PCNT: variants seen among roughly 807,000 people sequenced by gnomAD.
PCNT encodes the protein kendrin.
A neutral mutation model predicts 380.4 loss-of-function variants in PCNT; 319 were observed. The observed-to-expected ratio is 0.84, with a 90% CI of 0.77 to 0.92. PCNT has a LOEUF of 0.92. Among genes scored for constraint, PCNT ranks in the 40% least tolerant of loss-of-function variants. The probability of loss-of-function intolerance (pLI) is 0.00; values close to 1 mark genes in which losing one functional copy is unlikely to be tolerated. For synonymous variants in PCNT, 1,845 were observed against 1,735.2 expected (o/e 1.06, Z -1.57); for missense variants, 4,400 against 4,255.3 (o/e 1.03, Z -0.95).
Position 46,367,122 on chromosome 21 carries a change from C to G in PCNT, c.3148C>G (p.Leu1050Val). The G allele has an allele frequency of 6.2e-7, 1 of 1,613,008 alleles. No homozygotes were observed. The highest frequency in any genetic ancestry group is 1.1e-5 in the South Asian group (1 of 91,078). The change falls in exon 15 of 47, where the codon CTG (leucine) becomes GTG (valine). Residue 1050 changes from leucine (L) to valine (V), a missense_variant. Physicochemically the swap from Leu to Val is conservative, Grantham distance 32. Coordinates refer to ENST00000359568, the MANE Select transcript of PCNT (RefSeq NM_006031.6). ...TELAGTVAHE[L>V]QGVHQGEFGS... ...GCTCGCCGGAACCGTGGCTCACGAG[C>G]TGCAGGGAGTGCACCAGGTAAGGCG... is the stretch of plus-strand genomic sequence containing the variant.
chr21:46,326,094 T>C (rs2083386855), intron 1 of PCNT, among the ~76,000 whole-genome samples: 1 of 152,210 alleles, frequency 6.6e-6, no homozygotes, highest in African/African-American at 2.4e-5. Flanking sequence ...TTTTTTAAAG[T>C]TTTATTTTTC....
At chr21:46,373,297 G>A (rs994019533) in intron 15 of PCNT, among the ~76,000 whole-genome samples, 8 of 152,184 alleles carry the variant, frequency 5.3e-5, no homozygotes, top group Non-Finnish European at 1.0e-4. Flanking sequence ...GACCATAGGC[G>A]TGAGCCGCGC....
intron 15 of PCNT, among the ~76,000 whole-genome samples, chr21:46,376,380 T>G (rs2085332858): frequency 6.6e-6 from 1 of 152,244 alleles, no homozygotes; most frequent in East Asian, 1.9e-4. Context: ...CCTTGGACTC[T>G]TGCCACATCC....
intron 24 of PCNT, among the ~76,000 whole-genome samples, chr21:46,399,072 G>C (rs1053455758): frequency 6.6e-6 from 1 of 151,066 alleles, no homozygotes; most frequent in Non-Finnish European, 1.5e-5. Flanking sequence ...GCCTGCCTCA[G>C]CCTCCCAGAG....
intron 25 of PCNT, among the ~76,000 whole-genome samples, chr21:46,400,312 G>C (rs1370533003): frequency 6.6e-6 from 1 of 152,142 alleles, no homozygotes; most frequent in African/African-American, 2.4e-5. Context: ...CATGGCTGGA[G>C]GGGGCAGGGC....
At position 46,411,607 on chromosome 21, in the gene PCNT, G is replaced by A; in HGVS notation, c.5534G>A (p.Arg1845Lys). ...LAELERNVAL[R>K]EAEVEDMASR... ...GAGCTGGAGCGCAATGTAGCCCTCA[G>A]GGAGGCTGAGGTCGAAGACATGGCC... Residue 1845 changes from arginine to lysine, a missense_variant, in exon 28 of 47, where the codon AGG becomes AAG. Coordinates refer to ENST00000359568, the MANE Select transcript of PCNT (RefSeq NM_006031.6). 3 of 1,613,090 alleles carry A rather than the reference G, an allele frequency of 1.9e-6. No individual in the cohort carries two copies. Among genetic ancestry groups the A allele is most frequent in the African/African-American group, 1.3e-5 (1 of 75,052 alleles).
intron 3 of PCNT, among the ~76,000 whole-genome samples, chr21:46,342,006 A>G (rs547596957): frequency 6.7e-6 from 1 of 149,976 alleles, no homozygotes; most frequent in African/African-American, 2.5e-5. Flanking sequence ...TGGTGATGCA[A>G]ATTCGGCTCA....
At chr21:46,338,104 C>T (rs1569167402) in intron 3 of PCNT, among the ~76,000 whole-genome samples, 1 of 152,144 alleles carries the variant, frequency 6.6e-6, no homozygotes, top group Non-Finnish European at 1.5e-5. Flanking sequence ...GTCTTGAACT[C>T]TTGGGCTCAA....
At chr21:46,412,307 C>CT (rs1156752262) in intron 28 of PCNT, among the ~76,000 whole-genome samples, 1 of 152,158 alleles carries the variant, frequency 6.6e-6, no homozygotes, top group African/African-American at 2.4e-5. Flanking sequence ...TCGTTTTAAG[C>CT]TTTTAAAAAC....
chr21:46,350,743 T>A (rs542276962), intron 8 of PCNT, among the ~76,000 whole-genome samples: 123 of 152,062 alleles, frequency 8.1e-4, no homozygotes, highest in Admixed American at 1.6e-3. Flanking sequence ...CGGGGCTCAC[T>A]CCACACCCCC....
intron 38 of PCNT, among the ~76,000 whole-genome samples, chr21:46,432,868 G>T (rs753632076): frequency 2.6e-5 from 4 of 152,234 alleles, no homozygotes; most frequent in Admixed American, 2.6e-4. Flanking sequence ...TGATCCGCCC[G>T]CCTGGGCCTC....
At chr21:46,377,882 A>AACCCCCCACTCGTTAGCATTT (rs139165391) in intron 15 of PCNT, among the ~76,000 whole-genome samples, 46,416 of 151,566 alleles carry the variant, frequency 0.31, 8,755 homozygotes, top group African/African-American at 0.54. Flanking sequence ...GAAAACAAGA[A>AACCCCCCACTCGTTAGCATTT]ACTCCCCATT....
At chr21:46,327,880 C>T (rs2083440662) in intron 2 of PCNT, among the ~76,000 whole-genome samples, 2 of 152,184 alleles carry the variant, frequency 1.3e-5, no homozygotes, top group Non-Finnish European at 2.9e-5. Context: ...GCTGCAGGGG[C>T]ACCCCCATGG....
intron 35 of PCNT, among the ~76,000 whole-genome samples, chr21:46,429,242 G>A (rs1437686441): frequency 6.6e-6 from 1 of 151,564 alleles, no homozygotes; most frequent in Non-Finnish European, 1.5e-5. Flanking sequence ...TGCTCGTGAG[G>A]GGCATGGGTG....
At chr21:46,326,085 TTTTTAAAG>T (rs1158364821) in intron 1 of PCNT, among the ~76,000 whole-genome samples, 1 of 152,266 alleles carries the variant, frequency 6.6e-6, no homozygotes, top group Admixed American at 6.5e-5. Flanking sequence ...ATACAAATTT[TTTTTAAAG>T]TTTTATTTTT....
In PCNT at chr21:46,324,212, C is replaced by T. The variant is rs768460717; in HGVS notation, c.-17C>T. 3 of 1,607,722 alleles carry T rather than the reference C, an allele frequency of 1.9e-6. No homozygotes were observed. In the South Asian group the frequency reaches 3.3e-5, roughly 18 times the overall value. On this transcript the variant is annotated 5_prime_UTR_variant, in exon 1 of 47. Coordinates refer to ENST00000359568, the MANE Select transcript of PCNT (RefSeq NM_006031.6). ...AGCCCCGTCACCGCCGGGCGGCCCG[C>T]GCGGAGTCTGAGGGAGATGGAAGTT... is the stretch of plus-strand genomic sequence containing the variant.
chr21:46,391,451 C>A (rs1016626227), intron 21 of PCNT, 75 bp downstream of exon 21: 2 of 1,218,060 alleles, frequency 1.6e-6, no homozygotes, highest in African/African-American at 3.0e-5. Context: ...CCCCAGCTCC[C>A]AAGGACACTC....
chr21:46,355,831 C>T (rs1182558290), intron 12 of PCNT, among the ~76,000 whole-genome samples: 1 of 152,160 alleles, frequency 6.6e-6, no homozygotes, highest in Admixed American at 6.5e-5. Context: ...GGCAGGAGTG[C>T]GTGTCCTGGG....
chr21:46,401,381 C>T (rs1040758145), intron 25 of PCNT, among the ~76,000 whole-genome samples, 170 bp from the exon 26 acceptor site: 1 of 152,216 alleles, frequency 6.6e-6, no homozygotes, highest in Non-Finnish European at 1.5e-5. Flanking sequence ...TGGGAGGTGG[C>T]TGGGTCCTGG....
Sources: allele counts gnomAD v4.1 joint callset (sites outside exome capture counted in the v4.1 genomes callset), GRCh38; gene constraint gnomAD v4.1.1; transcripts MANE v1.5; gene names NCBI Gene and HGNC (gene_info 2026-07-23, HGNC 2026-07-21).